AXL: variants seen among roughly 807,000 people sequenced by gnomAD.
AXL encodes the protein AXL receptor tyrosine kinase.
In AXL, 52 loss-of-function variants were observed where a neutral mutation model predicts 104.5. The ratio of observed to expected loss-of-function variants is 0.50; its 90% CI spans 0.40 to 0.63. AXL has a LOEUF of 0.63. Among genes scored for constraint, AXL ranks in the 20% least tolerant of loss-of-function variants. The pLI, the probability that AXL is intolerant of heterozygous loss-of-function variation, is 0.00. For missense variants in AXL, 1,024 were observed against 1,188.5 expected, an observed-to-expected ratio of 0.86 and a Z score of 2.04; for synonymous variants, 455 against 473.7, an observed-to-expected ratio of 0.96 and a Z score of 0.51.
intron 4 of AXL, among the ~76,000 whole-genome samples, chr19:41,222,769 G>A (rs1440192539): frequency 6.6e-6 from 1 of 152,086 alleles, no homozygotes; most frequent in East Asian, 1.9e-4. Context: ...AGCCGGGCGT[G>A]GTGGCGGGCG....
intron 4 of AXL, among the ~76,000 whole-genome samples, chr19:41,225,067 G>C (rs113354271): frequency 1.3e-5 from 2 of 152,148 alleles, no homozygotes; most frequent in African/African-American, 4.8e-5. Context: ...GCAGTGGCAC[G>C]ATCTTGGCTT....
intron 12 of AXL, among the ~76,000 whole-genome samples, chr19:41,246,900 A>G (rs1199830806): frequency 6.6e-6 from 1 of 152,154 alleles, no homozygotes; most frequent in Non-Finnish European, 1.5e-5. Flanking sequence ...TGTAACATAA[A>G]CAAAAGCTCT....
At chr19:41,238,418 G>C in intron 7 of AXL, 52 bp from the exon 8 acceptor site, 1 of 1,588,580 alleles carries the variant, frequency 6.3e-7, no homozygotes, top group Non-Finnish European at 8.6e-7. Context: ...GAACAGGGGA[G>C]GGGGTCAGGA....
At chr19:41,239,399 C>T (rs759138677) in intron 9 of AXL, 85 bp downstream of exon 9, 62 of 1,506,728 alleles carry the variant, frequency 4.1e-5, no homozygotes, top group Middle Eastern at 2.5e-4. Context: ...TCAGTGTTAC[C>T]GCAACTTAGG....
Position 41,248,732 on chromosome 19 carries a change from G to GCC in AXL, c.1634-6_1634-5dup. ...CCTCTGAGGTCAGTGTCTCCCTCTG[G>GCC]CCCCCCACAGGAGAGTTTGGAGCTG... On this transcript the variant is annotated splice_polypyrimidine_tract_variant and intron_variant, in intron 13 of 19. Transcript: ENST00000301178. 6.2e-7 allele frequency: 1 copy of GCC among 1,613,974 alleles called. No individual in the cohort carries two copies.
chr19:41,230,911 C>T lies in AXL; in HGVS notation c.587-56C>T, dbSNP rs73931457. On this transcript the variant is annotated intron_variant, in intron 4 of 19. Transcript: ENST00000301178. ...TGGTAGGAGTGGCCCGGCATGGCCCCGGAGCCCTTCCTGCCCCTCTCTGAT... is the reference window on the plus strand; with the variant it reads ...TGGTAGGAGTGGCCCGGCATGGCCCTGGAGCCCTTCCTGCCCCTCTCTGAT... 3,048 of 1,576,518 alleles carry T rather than the reference C, an allele frequency of 1.9e-3. 61 individuals carry two copies. In the African/African-American group the frequency reaches 0.036, roughly 19 times the overall value.
intron 8 of AXL, 134 bp downstream of exon 8, chr19:41,238,743 G>A: frequency 1.5e-6 from 2 of 1,306,974 alleles, no homozygotes; most frequent in Non-Finnish European, 2.1e-6. Context: ...ATTCAGGGAA[G>A]GTTCACATTC....
chr19:41,238,559 G>C lies in AXL; in HGVS notation c.1084G>C (p.Gly362Arg), dbSNP rs1599733699. 6.2e-7 allele frequency: 1 copy of C among 1,613,820 alleles called. No homozygotes were observed. Among genetic ancestry groups the C allele is most frequent in the Non-Finnish European group, 8.5e-7 (1 of 1,179,836 alleles). ...HWQEPRAPLQ[G>R]TLLGYRLAYQ... ...GCAAGAGCCCCGGGCGCCCCTGCAGGGTACCCTGTTAGGGTACCGGCTGGC... is the reference window on the plus strand; with the variant it reads ...GCAAGAGCCCCGGGCGCCCCTGCAGCGTACCCTGTTAGGGTACCGGCTGGC... The change falls in exon 8 of 20, where the codon GGT becomes CGT. Residue 362 changes from glycine (G) to arginine (R), a missense_variant. This residue lies in a region of AXL where 332 missense variants were observed against 343.9 expected (regional missense o/e 0.97). Transcript: ENST00000301178.
chr19:41,250,591 C>T (rs745960375), intron 14 of AXL, among the ~76,000 whole-genome samples: 7 of 151,994 alleles, frequency 4.6e-5, no homozygotes, highest in South Asian at 2.1e-4. Context: ...TACAGGTGTG[C>T]GCCACCACGC....
intron 19 of AXL, 28 bp downstream of exon 19, chr19:41,257,657 C>G: frequency 6.2e-7 from 1 of 1,613,506 alleles, no homozygotes; most frequent in Non-Finnish European, 8.5e-7. Context: ...TCCCCCAACC[C>G]AGAATTCATT....
chr19:41,255,382 CTCCTTCCT>C (rs551181986), intron 17 of AXL, among the ~76,000 whole-genome samples: 4 of 144,158 alleles, frequency 2.8e-5, no homozygotes, highest in African/African-American at 7.7e-5. Flanking sequence ...CTCTCTTTAT[CTCCTTCCT>C]TCCTTCCTTC....
At position 41,221,370 on chromosome 19, in the gene AXL, G is replaced by A. The variant is rs193250025; in HGVS notation, c.409+124G>A. 5.2e-5 allele frequency: 41 copies of A among 790,370 alleles called. No individual in the cohort carries two copies. In the East Asian group the frequency reaches 5.2e-4, roughly 10 times the overall value. The allele number at this position is 790,370 out of a possible 1,614,324, so 49.0% of individuals were successfully genotyped here. On this transcript the variant is annotated intron_variant, in intron 3 of 19. Coordinates refer to ENST00000301178, the MANE Select transcript of AXL (RefSeq NM_021913.5). ...CTGGAGGATTCAGGATGAACCTAGC[G>A]TCATACAGCCTAAGAATGTCAGAGT...
intron 4 of AXL, among the ~76,000 whole-genome samples, chr19:41,223,541 A>G (rs1209068820): frequency 6.6e-6 from 1 of 152,208 alleles, no homozygotes; most frequent in Non-Finnish European, 1.5e-5. Context: ...CCTGGAGGGC[A>G]TCAGCTTCCC....
At chr19:41,254,823 AG>A (rs1302814747) in intron 17 of AXL, among the ~76,000 whole-genome samples, 8 of 152,296 alleles carry the variant, frequency 5.3e-5, no homozygotes, top group African/African-American at 1.9e-4. Flanking sequence ...CTGAGGTGGA[AG>A]GATTGCTAGA....
rs947220056 is a variant in AXL, at chr19:41,252,449, A to G, written c.1804+6A>G. 6.2e-7 allele frequency: 1 copy of G among 1,613,656 alleles called. No homozygotes were observed. Among genetic ancestry groups the G allele is most frequent in the African/African-American group, 1.3e-5 (1 of 74,904 alleles). ...CAACGTCATGAGGCTCATCGGTGAG[A>G]GAGGGGCAGATTCAAGGGGTCTACA... On this transcript the variant is annotated splice_donor_region_variant and intron_variant, in intron 15 of 19. Transcript: ENST00000301178.
At chr19:41,248,971 A>G in intron 14 of AXL, 151 bp downstream of exon 14, 1 of 795,922 alleles carries the variant, frequency 1.3e-6, no homozygotes. Flanking sequence ...AAGGAATTGA[A>G]TATGGGGAGA....
At chr19:41,230,323 G>A (rs1467743968) in intron 4 of AXL, among the ~76,000 whole-genome samples, 3 of 149,256 alleles carry the variant, frequency 2.0e-5, no homozygotes, top group Admixed American at 2.0e-4. Context: ...GTGTAAGAAT[G>A]TGTGTGTGTG....
intron 6 of AXL, among the ~76,000 whole-genome samples, chr19:41,232,618 C>G (rs2034010405): frequency 6.6e-6 from 1 of 150,620 alleles, no homozygotes; most frequent in Non-Finnish European, 1.5e-5. Flanking sequence ...AGCGAACTTC[C>G]GTCTCAAGAA....
chr19:41,252,128 A>G (rs550984873), intron 14 of AXL, among the ~76,000 whole-genome samples: 1 of 143,562 alleles, frequency 7.0e-6, no homozygotes, highest in Non-Finnish European at 1.5e-5. Flanking sequence ...AAAAAAAAAA[A>G]GAAAATATAT....
Sources: gnomAD v4.1 joint callset for allele counts (sites outside exome capture counted in the v4.1 genomes callset) on GRCh38, gnomAD v4.1.1 for gene constraint, gnomAD v4.1.1 regional missense constraint, MANE v1.5 for transcripts, NCBI Gene and HGNC (gene_info 2026-07-23, HGNC 2026-07-21) for gene names.